The following RBFOX1 variants were observed in gnomAD, a reference collection of about 807,000 sequenced individuals.
The protein encoded by RBFOX1 is RNA binding protein fox-1 homolog 1.
In RBFOX1, 8 loss-of-function variants were observed where a neutral mutation model predicts 57.7. The observed-to-expected ratio is 0.14, with a 90% CI of 0.08 to 0.25. The LOEUF (loss-of-function observed/expected upper bound fraction) is 0.25, where lower values mean the gene tolerates loss of function less well. Among genes scored for constraint, RBFOX1 ranks in the 10% least tolerant of loss-of-function variants. RBFOX1 has a pLI of 1.00. For missense variants in RBFOX1, 611 were observed against 548.5 expected (o/e 1.11, Z -1.14); for synonymous variants, 326 against 222.4 (o/e 1.47, Z -4.15).
At chr16:7,321,417 A>T (rs952039972) in intron 4 of RBFOX1, among the ~76,000 whole-genome samples, 2 of 152,154 alleles carry the variant, frequency 1.3e-5, no homozygotes, top group African/African-American at 4.8e-5. Flanking sequence ...AAGTGCTGGG[A>T]TTACAGGTGT....
intron 5 of RBFOX1, among the ~76,000 whole-genome samples, chr16:7,549,688 C>T (rs186965238): frequency 9.0e-4 from 137 of 152,186 alleles, no homozygotes; most frequent in African/African-American, 3.1e-3. Flanking sequence ...AGATGTAAGC[C>T]GGAAGACTGG....
At chr16:6,118,452 G>A (rs2096521224) in intron 1 of RBFOX1, among the ~76,000 whole-genome samples, 2 of 152,180 alleles carry the variant, frequency 1.3e-5, no homozygotes, top group African/African-American at 2.4e-5. Context: ...AATCATAGAT[G>A]GCATCTTGTT....
intron 2 of RBFOX1, among the ~76,000 whole-genome samples, chr16:6,580,027 C>G (rs550733851): frequency 2.6e-5 from 4 of 152,128 alleles, no homozygotes; most frequent in African/African-American, 4.8e-5. Flanking sequence ...GGTGTGATCT[C>G]AGATCACTGC....
intron 4 of RBFOX1, among the ~76,000 whole-genome samples, chr16:7,167,098 G>C (rs189347701): frequency 1.4e-5 from 2 of 145,110 alleles, no homozygotes; most frequent in Admixed American, 7.2e-5. Context: ...CGATTCTCCT[G>C]CCTCAGCCTC....
intron 3 of RBFOX1, among the ~76,000 whole-genome samples, chr16:6,964,640 A>C (rs142488868): frequency 6.6e-6 from 1 of 152,330 alleles, no homozygotes; most frequent in African/African-American, 2.4e-5. Flanking sequence ...TTTGAAGAAA[A>C]TAAAAATACA....
intron 3 of RBFOX1, among the ~76,000 whole-genome samples, chr16:6,978,080 T>C (rs571693708): frequency 3.7e-5 from 5 of 133,932 alleles, no homozygotes; most frequent in South Asian, 5.5e-4. Flanking sequence ...CCCCCCTTCA[T>C]GTGGGTGTCA....
At chr16:5,263,569 C>CATGGGAGT (rs1339246836) in intron 1 of RBFOX1, among the ~76,000 whole-genome samples, 1 of 152,112 alleles carries the variant, frequency 6.6e-6, no homozygotes, top group East Asian at 1.9e-4. Flanking sequence ...GGTGGTGAGT[C>CATGGGAGT]ATGGGAGTTC....
chr16:6,797,502 C>T (rs749671671), intron 3 of RBFOX1, among the ~76,000 whole-genome samples: 1 of 152,146 alleles, frequency 6.6e-6, no homozygotes, highest in Non-Finnish European at 1.5e-5. Flanking sequence ...CCTAATGTTG[C>T]TGATTTCAGG....
intron 3 of RBFOX1, among the ~76,000 whole-genome samples, chr16:7,026,344 A>T (rs551315102): frequency 2.0e-5 from 3 of 152,328 alleles, no homozygotes; most frequent in Non-Finnish European, 4.4e-5. Flanking sequence ...GGTATCCATG[A>T]TGCAAGGGTT....
chr16:6,553,957 GGTACCA>G (rs2097045353), intron 2 of RBFOX1, among the ~76,000 whole-genome samples: 1 of 152,148 alleles, frequency 6.6e-6, no homozygotes, highest in Non-Finnish European at 1.5e-5. Flanking sequence ...CCAGAGGGCA[GGTACCA>G]GGGTTTATTC....
intron 2 of RBFOX1, among the ~76,000 whole-genome samples, chr16:6,385,939 CTT>C (rs763480257): frequency 1.3e-4 from 9 of 71,342 alleles, no homozygotes; most frequent in Admixed American, 1.5e-4. Flanking sequence ...TTTTTTCTTT[CTT>C]TTTTTTTTTT....
At chr16:6,455,263 C>T (rs368181165) in intron 2 of RBFOX1, among the ~76,000 whole-genome samples, 2 of 152,076 alleles carry the variant, frequency 1.3e-5, no homozygotes, top group Non-Finnish European at 1.5e-5. Flanking sequence ...AATCTTCAGT[C>T]TACTGGTGTC....
intron 2 of RBFOX1, among the ~76,000 whole-genome samples, chr16:6,616,469 G>T (rs148193358): frequency 2.0e-3 from 306 of 152,078 alleles, no homozygotes; most frequent in African/African-American, 6.8e-3. Context: ...GAGGTCAGGA[G>T]ATCGAGACCA....
At chr16:7,279,502 A>G (rs1235065804) in intron 4 of RBFOX1, among the ~76,000 whole-genome samples, 1 of 152,196 alleles carries the variant, frequency 6.6e-6, no homozygotes, top group African/African-American at 2.4e-5. Context: ...TGCAGTGGCC[A>G]CGGAAACCAG....
intron 1 of RBFOX1, among the ~76,000 whole-genome samples, chr16:5,395,305 T>A (rs1171591894): frequency 1.3e-5 from 2 of 152,266 alleles, no homozygotes; most frequent in Non-Finnish European, 2.9e-5. Context: ...AGGCTCTTCG[T>A]ACATTCTTCT....
At chr16:6,242,397 A>G (rs1172336014) in intron 1 of RBFOX1, among the ~76,000 whole-genome samples, 3 of 151,444 alleles carry the variant, frequency 2.0e-5, no homozygotes. Flanking sequence ...TCTTTATTTT[A>G]TTTTATTTTT....
intron 4 of RBFOX1, among the ~76,000 whole-genome samples, chr16:7,071,579 G>A (rs2057341915): frequency 1.6e-5 from 2 of 125,002 alleles, no homozygotes; most frequent in South Asian, 6.3e-4. Context: ...ACACTAATTT[G>A]CCCAGATATG....
chr16:6,786,877 G>T (rs922032224), intron 3 of RBFOX1, among the ~76,000 whole-genome samples: 2 of 148,920 alleles, frequency 1.3e-5, no homozygotes, highest in African/African-American at 5.0e-5. Context: ...AGAAGGAAGA[G>T]AATTGCTTAG....
chr16:6,960,423 T>C (rs1367515343), intron 3 of RBFOX1, among the ~76,000 whole-genome samples: 2 of 152,198 alleles, frequency 1.3e-5, no homozygotes, highest in Non-Finnish European at 2.9e-5. Flanking sequence ...GCCTTCTCCC[T>C]GTACCCGGTT....
Sources: allele counts gnomAD v4.1 joint callset (sites outside exome capture counted in the v4.1 genomes callset), GRCh38; gene constraint gnomAD v4.1.1; transcripts MANE v1.5; gene names NCBI Gene and HGNC (gene_info 2026-07-23, HGNC 2026-07-21).